The following GRM1 variants were observed in gnomAD, a reference collection of about 807,000 sequenced individuals.
The protein encoded by GRM1 is metabotropic glutamate receptor 1.
A neutral mutation model predicts 90.9 loss-of-function variants in GRM1; 33 were observed. That is an observed-to-expected ratio of 0.36 (90% CI 0.28 to 0.49). The LOEUF (loss-of-function observed/expected upper bound fraction) is 0.49, where lower values mean the gene tolerates loss of function less well. GRM1 is among the 20% of genes least tolerant of loss of function. GRM1 has a pLI of 0.99. For synonymous variants in GRM1, 700 were observed against 613.2 expected (o/e 1.14, Z -2.09); for missense variants, 1,190 against 1,534.3 (o/e 0.78, Z 3.75).
At chr6:146,209,889 G>A (rs565111021) in intron 2 of GRM1, among the ~76,000 whole-genome samples, 19 of 152,236 alleles carry the variant, frequency 1.2e-4, no homozygotes, top group African/African-American at 4.6e-4. Flanking sequence ...AAGCCTTCCA[G>A]GTTTAAGGGT....
At chr6:146,038,996 A>G (rs1423833755) in intron 1 of GRM1, among the ~76,000 whole-genome samples, 1 of 151,970 alleles carries the variant, frequency 6.6e-6, no homozygotes, top group East Asian at 1.9e-4. Flanking sequence ...GTTAACAGGT[A>G]CTACTCTACT....
intron 5 of GRM1, among the ~76,000 whole-genome samples, chr6:146,369,019 T>C (rs1775802291): frequency 6.6e-6 from 1 of 152,026 alleles, no homozygotes; most frequent in African/African-American, 2.4e-5. Context: ...GATTCAATCA[T>C]TTTACCCATT....
chr6:146,161,648 G>A lies in GRM1; in HGVS notation c.950+2051G>A, dbSNP rs114946290. 3.6e-3 allele frequency among the ~76,000 whole-genome samples: 542 copies of A among 152,180 alleles called. 5 individuals carry two copies. Among genetic ancestry groups the A allele is most frequent in the African/African-American group, 0.012 (512 of 41,516 alleles). Reference sequence around the variant, plus strand: ...CACTGCTTTCTGTGCTAATAGTTACGGTCACTGATGCATGGAATCATTGAG... The same window carrying A: ...CACTGCTTTCTGTGCTAATAGTTACAGTCACTGATGCATGGAATCATTGAG... On this transcript the variant is annotated intron_variant, in intron 2 of 7. Transcript: ENST00000282753.
chr6:146,086,077 A>C (rs941324839), intron 1 of GRM1, among the ~76,000 whole-genome samples: 12 of 152,146 alleles, frequency 7.9e-5, no homozygotes, highest in Non-Finnish European at 1.8e-4. Context: ...AGGTGATTTG[A>C]TAGTGGAATA....
chr6:146,241,905 G>C (rs1780878708), intron 2 of GRM1, among the ~76,000 whole-genome samples: 1 of 152,088 alleles, frequency 6.6e-6, no homozygotes, highest in East Asian at 1.9e-4. Context: ...GAAGGTTTCT[G>C]ACTGTTCAGT....
chr6:146,426,524 C>G, intron 7 of GRM1: 1 of 1,591,322 alleles, frequency 6.3e-7, no homozygotes, highest in Non-Finnish European at 8.6e-7. Context: ...ATAACCCCCT[C>G]GCTCACTGGG....
At chr6:146,278,867 G>C (rs149738351) in intron 2 of GRM1, among the ~76,000 whole-genome samples, 3 of 152,064 alleles carry the variant, frequency 2.0e-5, no homozygotes, top group Non-Finnish European at 4.4e-5. Flanking sequence ...GGTTACGCCC[G>C]GCTAATTTTT....
chr6:146,336,142 A>C (rs960656952), intron 3 of GRM1, among the ~76,000 whole-genome samples: 1 of 152,152 alleles, frequency 6.6e-6, no homozygotes, highest in Non-Finnish European at 1.5e-5. Flanking sequence ...AATACACCTC[A>C]CAATCAGTTT....
intron 3 of GRM1, among the ~76,000 whole-genome samples, chr6:146,322,630 T>A (rs1784241623): frequency 1.4e-5 from 2 of 145,736 alleles, no homozygotes; most frequent in Non-Finnish European, 3.0e-5. Flanking sequence ...ACTTTAAGTT[T>A]TAGGGTACAT....
chr6:146,112,469 C>T (rs557194896), intron 1 of GRM1, among the ~76,000 whole-genome samples: 6 of 151,858 alleles, frequency 4.0e-5, no homozygotes, highest in African/African-American at 1.4e-4. Flanking sequence ...TTTATTTCTT[C>T]TTAGAAATGC....
chr6:146,170,338 T>G (rs1778068949), intron 2 of GRM1, among the ~76,000 whole-genome samples: 1 of 152,182 alleles, frequency 6.6e-6, no homozygotes, highest in Non-Finnish European at 1.5e-5. Flanking sequence ...CCATTATTGC[T>G]TTAAATATTT....
chr6:146,432,701 G>A (rs949132854), intron 7 of GRM1, among the ~76,000 whole-genome samples: 2 of 152,176 alleles, frequency 1.3e-5, no homozygotes, highest in African/African-American at 4.8e-5. Flanking sequence ...ATTATTTCCT[G>A]ATTTAAGGAT....
intron 6 of GRM1, among the ~76,000 whole-genome samples, chr6:146,393,374 C>G (rs1382617424): frequency 1.3e-5 from 2 of 151,924 alleles, no homozygotes; most frequent in African/African-American, 4.8e-5. Context: ...ATTTTTGATG[C>G]AGTTGTTTTA....
intron 2 of GRM1, among the ~76,000 whole-genome samples, chr6:146,293,890 C>A (rs988097154): frequency 8.6e-5 from 13 of 151,396 alleles, no homozygotes; most frequent in African/African-American, 3.1e-4. Context: ...TTGGCATCAA[C>A]TTTTTCATAG....
intron 5 of GRM1, among the ~76,000 whole-genome samples, chr6:146,373,879 G>A (rs1037153168): frequency 6.6e-6 from 1 of 152,100 alleles, no homozygotes; most frequent in African/African-American, 2.4e-5. Context: ...GACTGCTGTA[G>A]TGAATACTTC....
chr6:146,073,908 A>T (rs1776098208), intron 1 of GRM1, among the ~76,000 whole-genome samples: 1 of 152,114 alleles, frequency 6.6e-6, no homozygotes, highest in Non-Finnish European at 1.5e-5. Flanking sequence ...AGATGTCCAT[A>T]TGTGGAGAAA....
intron 7 of GRM1, among the ~76,000 whole-genome samples, chr6:146,409,304 A>C (rs549846856): frequency 6.6e-6 from 1 of 152,290 alleles, no homozygotes; most frequent in Non-Finnish European, 1.5e-5. Flanking sequence ...CAGATACCCA[A>C]AGAGAATGAC....
At chr6:146,159,019 A>C (rs1308956263) in intron 1 of GRM1, among the ~76,000 whole-genome samples, 1 of 152,214 alleles carries the variant, frequency 6.6e-6, no homozygotes. Flanking sequence ...AGTCCAATGC[A>C]CTGATCTCTC....
chr6:146,071,510 C>A (rs1209968669), intron 1 of GRM1, among the ~76,000 whole-genome samples: 1 of 152,116 alleles, frequency 6.6e-6, no homozygotes, highest in Non-Finnish European at 1.5e-5. Flanking sequence ...CATATTTCTC[C>A]TAAAATCATG....
Sources: allele counts gnomAD v4.1 joint callset (sites outside exome capture counted in the v4.1 genomes callset), GRCh38; gene constraint gnomAD v4.1.1; transcripts MANE v1.5; gene names NCBI Gene and HGNC (gene_info 2026-07-23, HGNC 2026-07-21).